Variants in STPG4 observed in about 807,000 individuals in gnomAD.
STPG4 encodes protein STPG4.
STPG4 carries 41 observed loss-of-function variants against 31.5 expected under a neutral mutation model. That is an observed-to-expected ratio of 1.30 (90% CI 1.01 to 1.69). The LOEUF is 1.69. STPG4 is among the 40% of genes most tolerant of loss of function. STPG4 has a pLI of 0.00. For synonymous variants in STPG4, 141 were observed against 103.0 expected, an observed-to-expected ratio of 1.37 and a Z score of -2.24; for missense variants, 375 against 293.4, an observed-to-expected ratio of 1.28 and a Z score of -2.03.
chr2:47,118,788 T>C (rs76982641), intron 5 of STPG4, among the ~76,000 whole-genome samples: 162 of 152,342 alleles, frequency 1.1e-3, no homozygotes, highest in Non-Finnish European at 1.7e-3. Context: ...AGACAGTCTA[T>C]GTCAGTCACT....
intron 3 of STPG4, among the ~76,000 whole-genome samples, chr2:47,139,411 T>TTA (rs1470143895): frequency 6.6e-6 from 1 of 151,822 alleles, no homozygotes; most frequent in African/African-American, 2.4e-5. Flanking sequence ...TGCTTTATTT[T>TTA]TTTTTTTTCA....
Position 47,098,209 on chromosome 2 carries a change from G to T in STPG4, c.520-7835C>A, listed in dbSNP as rs536248695. Among the ~76,000 whole-genome samples the T allele has an allele frequency of 2.6e-5, 4 of 152,294 alleles. No homozygotes were observed. The East Asian group carries it at 7.7e-4, about 29-fold the overall frequency. On this transcript the variant is annotated intron_variant, in intron 5 of 6. Transcript: ENST00000445927. ...TCCTCTCTAGCCTGACCCAAAACGGGTTCACCAGGCAGCCTTCACTGCTGC... is the reference window on the plus strand; with the variant it reads ...TCCTCTCTAGCCTGACCCAAAACGGTTTCACCAGGCAGCCTTCACTGCTGC...
chr2:47,151,174 A>G, intron 3 of STPG4, 84 bp downstream of exon 3: 1 of 1,481,366 alleles, frequency 6.8e-7, no homozygotes, highest in Admixed American at 2.1e-5. Context: ...TCCTGGGGGA[A>G]GATATACTCT....
At chr2:47,112,305 T>C (rs147145608) in intron 5 of STPG4, among the ~76,000 whole-genome samples, 3,971 of 152,138 alleles carry the variant, frequency 0.026, 180 homozygotes, top group African/African-American at 0.091. Flanking sequence ...TAGCTGGGAT[T>C]ACAGGTGTGC....
chr2:47,090,196 C>T, intron 6 of STPG4, 74 bp downstream of exon 6: 2 of 1,024,128 alleles, frequency 2.0e-6, no homozygotes, highest in Admixed American at 2.0e-5. Flanking sequence ...CTCCTACACA[C>T]ATAGAAACAG....
In STPG4 at chr2:47,130,233, T is replaced by C. The variant is rs1203970330; in HGVS notation, c.427A>G (p.Asn143Asp). The C allele has an allele frequency of 1.9e-6, 3 of 1,614,018 alleles. No individual in the cohort carries two copies. The highest frequency in any genetic ancestry group is 1.3e-5 in the African/African-American group (1 of 74,930). ...QSLQLSPGQY[N>D]VLPAPVPKYA... The stretch of plus-strand genomic sequence containing the variant: ...TTGGGAACTGGTGCAGGAAGCACGT[T>C]GTATTGCCCCGGAGAAAGCTGAAGT... The change falls in exon 4 of 7, where the codon AAC becomes GAC. Residue 143 changes from asparagine to aspartate, a missense_variant. Asn to Asp is a conservative substitution (Grantham distance 23). Coordinates refer to ENST00000445927, the MANE Select transcript of STPG4 (RefSeq NM_001163561.2).
At chr2:47,139,199 T>C (rs990458798) in intron 3 of STPG4, among the ~76,000 whole-genome samples, 1 of 152,242 alleles carries the variant, frequency 6.6e-6, no homozygotes. Flanking sequence ...GTATTTATAC[T>C]GAAGTCATCT....
intron 6 of STPG4, among the ~76,000 whole-genome samples, chr2:47,088,985 C>A (rs1685515446): frequency 6.6e-6 from 1 of 152,202 alleles, no homozygotes; most frequent in Middle Eastern, 3.2e-3. Context: ...ACCTTGAGAA[C>A]ATCAAGCTCA....
intron 3 of STPG4, among the ~76,000 whole-genome samples, chr2:47,131,478 T>A (rs150509912): frequency 5.9e-5 from 9 of 152,312 alleles, no homozygotes; most frequent in African/African-American, 2.2e-4. Context: ...AGCCATTTAG[T>A]GAGCCTGCTC....
At chr2:47,107,960 A>G (rs1573161232) in intron 5 of STPG4, among the ~76,000 whole-genome samples, 2 of 144,740 alleles carry the variant, frequency 1.4e-5, no homozygotes, top group African/African-American at 5.3e-5. Flanking sequence ...AAATACACCA[A>G]TCGGCACTCT....
At chr2:47,145,420 T>C (rs1686800116) in intron 3 of STPG4, among the ~76,000 whole-genome samples, 1 of 152,236 alleles carries the variant, frequency 6.6e-6, no homozygotes, top group Non-Finnish European at 1.5e-5. Context: ...ATTATAACCA[T>C]GGGCTGTCCC....
intron 5 of STPG4, among the ~76,000 whole-genome samples, chr2:47,095,740 G>C (rs1230810217): frequency 6.6e-6 from 1 of 152,152 alleles, no homozygotes; most frequent in East Asian, 1.9e-4. Flanking sequence ...TTTTTAACTG[G>C]GCTCATGTCT....
At position 47,109,104 on chromosome 2, in the gene STPG4, T is replaced by C. The variant is rs929649148; in HGVS notation, c.520-18730A>G. 3.3e-5 allele frequency among the ~76,000 whole-genome samples: 5 copies of C among 152,232 alleles called. No individual in the cohort carries two copies. The South Asian group carries it at 1.0e-3, about 32-fold the overall frequency. On this transcript the variant is annotated intron_variant, in intron 5 of 6. Transcript: ENST00000445927. ...AAATTCTAACCAATACATTCACTCT[T>C]CTGTTTCCAGTCAAGAAATTGTTAT...
At chr2:47,141,868 G>C (rs943374932) in intron 3 of STPG4, among the ~76,000 whole-genome samples, 1 of 149,484 alleles carries the variant, frequency 6.7e-6, no homozygotes, top group African/African-American at 2.5e-5. Flanking sequence ...TGAACACCTG[G>C]GGGAGGGCTG....
intron 6 of STPG4, among the ~76,000 whole-genome samples, 154 bp from the exon 7 acceptor site, chr2:47,087,284 G>A (rs112844363): frequency 1.3e-5 from 2 of 152,328 alleles, no homozygotes; most frequent in East Asian, 1.9e-4. Context: ...GCAGACCCTC[G>A]AATTGGAGCA....
At chr2:47,142,254 C>A (rs1437387823) in intron 3 of STPG4, among the ~76,000 whole-genome samples, 2 of 104,226 alleles carry the variant, frequency 1.9e-5, no homozygotes, top group African/African-American at 6.5e-5. Context: ...GCCTTTCTAG[C>A]CTGGCTACCT....
intron 5 of STPG4, among the ~76,000 whole-genome samples, chr2:47,104,813 G>A (rs1182541565): frequency 2.0e-5 from 3 of 151,990 alleles, no homozygotes; most frequent in Non-Finnish European, 4.4e-5. Flanking sequence ...AAGGTGTCTA[G>A]GTCGAAGGCC....
At chr2:47,145,649 G>C (rs1018457835) in intron 3 of STPG4, among the ~76,000 whole-genome samples, 1 of 152,100 alleles carries the variant, frequency 6.6e-6, no homozygotes, top group Non-Finnish European at 1.5e-5. Flanking sequence ...AATGAGTAAG[G>C]CCCAGTCAGA....
At chr2:47,088,971 A>G (rs571528596) in intron 6 of STPG4, among the ~76,000 whole-genome samples, 1 of 152,302 alleles carries the variant, frequency 6.6e-6, no homozygotes, top group South Asian at 2.1e-4. Context: ...GTTGGGGTTC[A>G]GCCACCTTGA....
Sources: gnomAD v4.1 joint callset for allele counts (sites outside exome capture counted in the v4.1 genomes callset) on GRCh38, gnomAD v4.1.1 for gene constraint, MANE v1.5 for transcripts, NCBI Gene and HGNC (gene_info 2026-07-23, HGNC 2026-07-21) for gene names.